TTC28: variants seen among roughly 807,000 people sequenced by gnomAD.
TTC28 encodes the protein tetratricopeptide repeat domain 28, also known as tetratricopeptide repeat protein 28.
In TTC28, 61 loss-of-function variants were observed where a neutral mutation model predicts 198.0. That is an observed-to-expected ratio of 0.31 (90% confidence interval 0.25 to 0.38). TTC28 has a LOEUF of 0.38. TTC28 is among the 10% of genes least tolerant of loss of function. The probability of loss-of-function intolerance (pLI) is 1.00; values close to 1 mark genes in which losing one functional copy is unlikely to be tolerated. For missense variants in TTC28, 2,678 were observed against 3,164.0 expected, an observed-to-expected ratio of 0.85 and a Z score of 3.69; for synonymous variants, 1,171 against 1,297.8, an observed-to-expected ratio of 0.90 and a Z score of 2.10.
chr22:28,564,853 T>C lies in TTC28; in HGVS notation c.381+64699A>G, dbSNP rs2049945605. On this transcript the variant is annotated intron_variant, in intron 2 of 22. Transcript: ENST00000397906. Reference sequence around the variant, plus strand: ...AATTTATAATTTTTTATATATTTTATATATATTTTATATATAAATTTATAA... The same window carrying C: ...AATTTATAATTTTTTATATATTTTACATATATTTTATATATAAATTTATAA... Among the ~76,000 whole-genome samples the C allele has an allele frequency of 8.1e-5, 12 of 147,560 alleles. No individual in the cohort carries two copies. In the Admixed American group the frequency reaches 8.1e-4, roughly 10 times the overall value.
chr22:28,556,772 G>C (rs2049793157), intron 2 of TTC28, among the ~76,000 whole-genome samples: 1 of 152,204 alleles, frequency 6.6e-6, no homozygotes, highest in Admixed American at 6.5e-5. Flanking sequence ...TCATCTGAAG[G>C]GCTGGCCAGG....
At chr22:28,008,645 A>T (rs1374518837) in intron 14 of TTC28, 1 of 152,212 alleles carries the variant, frequency 6.6e-6, no homozygotes, top group Non-Finnish European at 1.5e-5. Flanking sequence ...AAGATCCCCA[A>T]ATCTGGACCT....
chr22:28,285,728 A>T (rs1293363394), intron 5 of TTC28, among the ~76,000 whole-genome samples: 2 of 152,162 alleles, frequency 1.3e-5, no homozygotes, highest in African/African-American at 4.8e-5. Flanking sequence ...GCTGAATAAA[A>T]TTTTTTAAAT....
intron 5 of TTC28, among the ~76,000 whole-genome samples, chr22:28,272,337 G>A (rs5762542): frequency 4.6e-5 from 7 of 152,182 alleles, no homozygotes; most frequent in African/African-American, 1.7e-4. Flanking sequence ...GAAGTGAGTA[G>A]AAGATACAAA....
intron 5 of TTC28, among the ~76,000 whole-genome samples, chr22:28,269,691 T>C (rs1931924404): frequency 6.6e-6 from 1 of 152,216 alleles, no homozygotes; most frequent in African/African-American, 2.4e-5. Flanking sequence ...TTTGCAAGGA[T>C]GGTTTATTGG....
chr22:28,274,540 G>T (rs1317820218), intron 5 of TTC28, among the ~76,000 whole-genome samples: 1 of 152,174 alleles, frequency 6.6e-6, no homozygotes, highest in Non-Finnish European at 1.5e-5. Flanking sequence ...ACCAGGCTGA[G>T]AACTTGGTCC....
At chr22:28,306,020 G>A (rs1012045313) in intron 3 of TTC28, among the ~76,000 whole-genome samples, 1 of 151,970 alleles carries the variant, frequency 6.6e-6, no homozygotes, top group Non-Finnish European at 1.5e-5. Context: ...AAAAATTTGA[G>A]ACACAGCCTA....
At chr22:28,128,576 C>A (rs758272026) in intron 6 of TTC28, among the ~76,000 whole-genome samples, 1 of 152,038 alleles carries the variant, frequency 6.6e-6, no homozygotes, top group Non-Finnish European at 1.5e-5. Flanking sequence ...TTTGTTCTGT[C>A]ACCCAGGCTG....
intron 12 of TTC28, among the ~76,000 whole-genome samples, chr22:28,093,600 T>A (rs1336983042): frequency 6.6e-6 from 1 of 152,240 alleles, no homozygotes; most frequent in East Asian, 1.9e-4. Context: ...AGTTCCCTTA[T>A]CTATTCTTCA....
At chr22:28,306,357 G>T in intron 3 of TTC28, 139 bp downstream of exon 3, 1 of 1,023,016 alleles carries the variant, frequency 9.8e-7, no homozygotes, top group Admixed American at 3.1e-5. Flanking sequence ...AGTGATTCTT[G>T]ATCTTCCTTG....
intron 12 of TTC28, among the ~76,000 whole-genome samples, chr22:28,046,005 C>G (rs1308777849): frequency 1.3e-5 from 2 of 152,126 alleles, no homozygotes; most frequent in Non-Finnish European, 2.9e-5. Context: ...CTATAAAGAA[C>G]TGTTTTGAGA....
At chr22:28,170,973 A>G (rs906956981) in intron 5 of TTC28, among the ~76,000 whole-genome samples, 3 of 141,850 alleles carry the variant, frequency 2.1e-5, no homozygotes, top group South Asian at 4.4e-4. Flanking sequence ...ATTGCTTGCC[A>G]CTCATTCTTT....
At chr22:28,567,722 T>C (rs1279180313) in intron 2 of TTC28, among the ~76,000 whole-genome samples, 3 of 151,426 alleles carry the variant, frequency 2.0e-5, no homozygotes, top group Non-Finnish European at 4.4e-5. Context: ...TGAGAAAGTA[T>C]ACCACCAAAA....
chr22:28,612,987 C>T (rs541264024), intron 2 of TTC28, among the ~76,000 whole-genome samples: 9 of 152,046 alleles, frequency 5.9e-5, no homozygotes, highest in Non-Finnish European at 1.3e-4. Flanking sequence ...AAGATCAGAG[C>T]AGAACTGAAG....
At chr22:28,453,537 T>C (rs2047815108) in intron 2 of TTC28, among the ~76,000 whole-genome samples, 1 of 152,168 alleles carries the variant, frequency 6.6e-6, no homozygotes, top group African/African-American at 2.4e-5. Context: ...CCTTCTTCAA[T>C]TTTATTTTAT....
chr22:27,983,414 G>T lies in TTC28; in HGVS notation c.6253C>A (p.Pro2085Thr), dbSNP rs762025232. The T allele has an allele frequency of 2.4e-5, 38 of 1,551,176 alleles. No individual in the cohort carries two copies. The highest frequency in any genetic ancestry group is 4.1e-5 in the African/African-American group (3 of 73,000). Residue 2085 changes from proline (P) to threonine (T), a missense_variant, in exon 23 of 23, where the codon CCC (proline) becomes ACC (threonine). Pro to Thr is a conservative substitution (Grantham distance 38). Coordinates refer to ENST00000397906, the MANE Select transcript of TTC28 (RefSeq NM_001145418.2). Reference protein sequence around the residue: ...NTCFSPDHKQPQPGTAGGMRV... With the variant: ...NTCFSPDHKQTQPGTAGGMRV... Reference sequence around the variant, plus strand: ...ATGCCTCCGGCTGTCCCAGGTTGGGGTTGTTTGTGGTCTGGTGAGAAGCAT... The same window carrying T: ...ATGCCTCCGGCTGTCCCAGGTTGGGTTTGTTTGTGGTCTGGTGAGAAGCAT...
rs959543148 is a variant in TTC28 at position 28,389,626 on chromosome 22, G to C, written c.382-82983C>G. On this transcript the variant is annotated intron_variant, in intron 2 of 22. Coordinates refer to ENST00000397906, the MANE Select transcript of TTC28 (RefSeq NM_001145418.2). The stretch of plus-strand genomic sequence containing the variant: ...TTCTTCTAGATTTTCTAGTTTATTT[G>C]CGTAGAGGTGTTTGTAGTATTCTCT... Among the ~76,000 whole-genome samples, 46 of 151,118 alleles carry C rather than the reference G, an allele frequency of 3.0e-4. No homozygotes were observed. The East Asian group carries it at 7.0e-3, about 23-fold the overall frequency.
chr22:28,362,401 A>G (rs545990915), intron 2 of TTC28, among the ~76,000 whole-genome samples: 1 of 151,550 alleles, frequency 6.6e-6, no homozygotes, highest in South Asian at 2.1e-4. Flanking sequence ...CTGCAAGTCC[A>G]TTGAACCTCT....
intron 12 of TTC28, among the ~76,000 whole-genome samples, chr22:28,085,526 AG>A (rs913427190): frequency 2.9e-4 from 44 of 152,230 alleles, no homozygotes; most frequent in African/African-American, 8.0e-4. Flanking sequence ...AAACATGGAA[AG>A]GAACAACCGG....
Sources: gnomAD v4.1 joint callset for allele counts (sites outside exome capture counted in the v4.1 genomes callset) on GRCh38, gnomAD v4.1.1 for gene constraint, MANE v1.5 for transcripts, NCBI Gene and HGNC (gene_info 2026-07-23, HGNC 2026-07-21) for gene names.